Variants in DST observed in about 807,000 individuals in gnomAD.
DST encodes the protein bullous pemphigoid antigen.
A neutral mutation model predicts 875.2 loss-of-function variants in DST; 253 were observed. The observed-to-expected ratio is 0.29, with a 90% CI of 0.26 to 0.32. DST has a LOEUF of 0.32. Ranked by LOEUF, DST falls within the 10% of genes least tolerant of loss-of-function variation. The pLI is 1.00. For synonymous variants in DST, 3,124 were observed against 3,197.1 expected, an observed-to-expected ratio of 0.98 and a Z score of 0.77; for missense variants, 8,287 against 9,111.6, an observed-to-expected ratio of 0.91 and a Z score of 3.68.
intron 72 of DST, 130 bp downstream of exon 72, chr6:56,515,320 T>A: frequency 9.7e-7 from 1 of 1,029,954 alleles, no homozygotes; most frequent in East Asian, 2.6e-5. Flanking sequence ...GTAAGCAAAT[T>A]ACACAGACCA....
At chr6:56,583,433 T>A (rs1434418501) in intron 49 of DST, among the ~76,000 whole-genome samples, 1 of 152,214 alleles carries the variant, frequency 6.6e-6, no homozygotes, top group Non-Finnish European at 1.5e-5. Context: ...GCCCACTTTT[T>A]GATGGGGTTG....
intron 90 of DST, among the ~76,000 whole-genome samples, chr6:56,478,240 T>TA (rs1260966389): frequency 2.0e-5 from 3 of 152,048 alleles, no homozygotes; most frequent in Non-Finnish European, 4.4e-5. Flanking sequence ...GCAGCATGAA[T>TA]AAAAAAGTAC....
intron 86 of DST, among the ~76,000 whole-genome samples, chr6:56,489,231 T>C (rs1158282115): frequency 6.6e-6 from 1 of 152,212 alleles, no homozygotes; most frequent in Non-Finnish European, 1.5e-5. Context: ...TGTTTTAGAT[T>C]GTAGAGGATT....
chr6:56,824,444 G>C (rs972142402), intron 4 of DST, among the ~76,000 whole-genome samples: 4 of 152,200 alleles, frequency 2.6e-5, no homozygotes, highest in Non-Finnish European at 5.9e-5. Context: ...TGGGAAGTGA[G>C]GAGCGTCTCT....
At chr6:56,576,084 T>A (rs1285316911) in intron 50 of DST, among the ~76,000 whole-genome samples, 1 of 152,068 alleles carries the variant, frequency 6.6e-6, no homozygotes, top group Non-Finnish European at 1.5e-5. Flanking sequence ...AATGATGTAA[T>A]CAATCATGCT....
Position 56,642,023 on chromosome 6 carries a change from G to C in DST, c.1951C>G (p.Leu651Val), listed in dbSNP as rs767375796. ...ACATCAATTACATGCTGGCGTAAAA[G>C]GTTCTCACATTCAAGTATATACCCA... ...IAGYILECEN[L>V]LRQHVIDVQI... Residue 651 changes from leucine (L) to valine (V), a missense_variant, in exon 17 of 104, where the codon CTT becomes GTT. Physicochemically the swap from Leu to Val is conservative, Grantham distance 32 (BLOSUM62 1). Around this residue, in one of 10 missense-constraint regions of DST, gnomAD observed 1,160 missense variants for 1,424.3 expected, o/e 0.81. Coordinates refer to ENST00000680361, the MANE Select transcript of DST (RefSeq NM_001374736.1). 5 of 1,612,660 alleles carry C rather than the reference G, an allele frequency of 3.1e-6. No homozygotes were observed. Among genetic ancestry groups the C allele is most frequent in the Admixed American group, 3.3e-5 (2 of 59,958 alleles).
chr6:56,661,173 A>G (rs1185135981), intron 10 of DST, among the ~76,000 whole-genome samples: 1 of 152,148 alleles, frequency 6.6e-6, no homozygotes, highest in Admixed American at 6.5e-5. Flanking sequence ...GAATCAATTT[A>G]TTTTTATTAT....
At chr6:56,770,614 G>T (rs949503430) in intron 4 of DST, among the ~76,000 whole-genome samples, 1 of 152,074 alleles carries the variant, frequency 6.6e-6, no homozygotes, top group African/African-American at 2.4e-5. Context: ...ACATAATAAG[G>T]GTTTGAAATG....
chr6:56,588,515 T>C (rs1342413840), intron 49 of DST, among the ~76,000 whole-genome samples: 1 of 152,190 alleles, frequency 6.6e-6, no homozygotes, highest in Non-Finnish European at 1.5e-5. Flanking sequence ...TATCAAACTA[T>C]AGCCTTCTTG....
rs1331031276 is a variant in DST, at chr6:56,616,576, G to A, written c.4930-2092C>T. On this transcript the variant is annotated intron_variant, in intron 36 of 103. Coordinates refer to ENST00000680361, the MANE Select transcript of DST (RefSeq NM_001374736.1). ...ATTCTGAGTAATACAGAGCTTGCTTGTTATTGGGATTAGGGAAAACTCTTG... is the reference window on the plus strand; with the variant it reads ...ATTCTGAGTAATACAGAGCTTGCTTATTATTGGGATTAGGGAAAACTCTTG... 11 of 1,614,036 alleles carry A rather than the reference G, an allele frequency of 6.8e-6. No homozygotes were observed. Among genetic ancestry groups the A allele is most frequent in the Admixed American group, 1.7e-5 (1 of 59,992 alleles).
chr6:56,524,536 T>C (rs2096763181), intron 69 of DST, among the ~76,000 whole-genome samples: 1 of 152,126 alleles, frequency 6.6e-6, no homozygotes, highest in Admixed American at 6.6e-5. Flanking sequence ...ACTTACTGCT[T>C]GTGAGACCAC....
At chr6:56,678,205 C>T (rs537370812) in intron 9 of DST, among the ~76,000 whole-genome samples, 4 of 152,358 alleles carry the variant, frequency 2.6e-5, no homozygotes, top group African/African-American at 9.6e-5. Flanking sequence ...GCCATCTCCA[C>T]GTAGCACCCA....
At chr6:56,571,603 A>C (rs891461315) in intron 53 of DST, among the ~76,000 whole-genome samples, 5 of 152,202 alleles carry the variant, frequency 3.3e-5, no homozygotes, top group African/African-American at 7.2e-5. Flanking sequence ...ACTTAGGTTC[A>C]TTCACTTGTT....
At chr6:56,628,195 C>A (rs761857078) in intron 32 of DST, 34 bp from the exon 33 acceptor site, 20 of 1,585,578 alleles carry the variant, frequency 1.3e-5, no homozygotes, top group Admixed American at 1.7e-5. Context: ...TCACGGTGTC[C>A]AGCGATATCC....
rs114285743 is a variant in DST, at chr6:56,589,914, G to C, written c.12903+2268C>G. Among the ~76,000 whole-genome samples the C allele has an allele frequency of 8.8e-3, 1,338 of 152,314 alleles. 18 individuals are homozygous for C. The highest frequency in any genetic ancestry group is 0.03 in the African/African-American group (1,255 of 41,566). ...ATGATTCATCAGAATATAAGTAGAA[G>C]ATAGTATGCTACATGTAGAAAGATC... On this transcript the variant is annotated intron_variant, in intron 49 of 103. Coordinates refer to ENST00000680361, the MANE Select transcript of DST (RefSeq NM_001374736.1).
Position 56,471,094 on chromosome 6 carries a change from C to T in DST, c.22321+12G>A, listed in dbSNP as rs1425879766. On this transcript the variant is annotated intron_variant, in intron 95 of 103. Transcript: ENST00000680361. ...AATTGTATCAGTCATAGTCATCTGT[C>T]TTGGAACTTACTTGAGGAAAGAATT... The T allele has an allele frequency of 6.2e-7, 1 of 1,609,332 alleles. No individual in the cohort carries two copies. The highest frequency in any genetic ancestry group is 1.3e-5 in the African/African-American group (1 of 74,820).
intron 4 of DST, among the ~76,000 whole-genome samples, chr6:56,845,531 G>T (rs2099806247): frequency 6.6e-6 from 1 of 152,148 alleles, no homozygotes; most frequent in Admixed American, 6.5e-5. Flanking sequence ...AGTCTTTAAG[G>T]TTACTAGAGT....
chr6:56,514,611 ACC>A lies in DST; in HGVS notation c.18576+837_18576+838del, dbSNP rs1554276062. ...CACACACACACACACACACACACAC[ACC>A]CCCTCATGCGCATACACACACACAT... is the stretch of plus-strand genomic sequence containing the variant. On this transcript the variant is annotated intron_variant, in intron 72 of 103. Coordinates refer to ENST00000680361, the MANE Select transcript of DST (RefSeq NM_001374736.1). Among the ~76,000 whole-genome samples, 975 of 143,550 alleles carry A rather than the reference ACC, an allele frequency of 6.8e-3. 14 individuals are homozygous for A. The highest frequency in any genetic ancestry group is 0.025 in the African/African-American group (931 of 37,796). The allele number at this position is 143,550 out of a possible 152,430, so 94.2% of individuals were successfully genotyped here.
chr6:56,884,313 G>T (rs892162628), intron 3 of DST, among the ~76,000 whole-genome samples: 2 of 152,044 alleles, frequency 1.3e-5, no homozygotes, highest in Non-Finnish European at 2.9e-5. Flanking sequence ...AGGGGTATTT[G>T]TTCTAGAGTT....
Sources: allele counts gnomAD v4.1 joint callset (sites outside exome capture counted in the v4.1 genomes callset), GRCh38; gene constraint gnomAD v4.1.1; regional missense constraint gnomAD v4.1.1; transcripts MANE v1.5; gene names NCBI Gene and HGNC (gene_info 2026-07-23, HGNC 2026-07-21).